MCM9: variants seen among roughly 807,000 people sequenced by gnomAD.
The protein encoded by MCM9 is DNA helicase MCM9.
Under a neutral mutation model 72.8 loss-of-function variants are expected in MCM9, and 55 were observed. The observed-to-expected ratio is 0.76, with a 90% CI of 0.61 to 0.95. The LOEUF (loss-of-function observed/expected upper bound fraction) is 0.95, where lower values mean the gene tolerates loss of function less well. MCM9 is among the 40% of genes least tolerant of loss of function. MCM9 has a pLI of 0.00. For missense variants in MCM9, 1,279 were observed against 1,377.0 expected (o/e 0.93, Z 1.13); for synonymous variants, 480 against 503.4 (o/e 0.95, Z 0.62).
rs1255698607 is a variant in MCM9 at position 118,922,364 on chromosome 6, TAAC to T, written c.622-281_622-279del. ...CGTATGCTCCAACTACTAAATTTAATAACAAAGTTAACTTTATCTAGAAAAGAG... is the reference window on the plus strand; with the variant it reads ...CGTATGCTCCAACTACTAAATTTAATAAAGTTAACTTTATCTAGAAAAGAG... On this transcript the variant is annotated intron_variant, in intron 4 of 13. Coordinates refer to ENST00000619706, the MANE Select transcript of MCM9 (RefSeq NM_017696.3). 4.6e-5 allele frequency among the ~76,000 whole-genome samples: 7 copies of T among 152,338 alleles called. No individual in the cohort carries two copies. The East Asian group carries it at 1.3e-3, about 29-fold the overall frequency.
chr6:118,893,141 T>C (rs1338059989), intron 8 of MCM9, among the ~76,000 whole-genome samples: 4 of 152,202 alleles, frequency 2.6e-5, no homozygotes, highest in East Asian at 1.9e-4. Flanking sequence ...CTCACAAATA[T>C]GTTAAAGCTT....
At chr6:118,885,282 T>C (rs1045471348) in intron 8 of MCM9, among the ~76,000 whole-genome samples, 45 of 152,094 alleles carry the variant, frequency 3.0e-4, no homozygotes, top group Non-Finnish European at 3.7e-4. Context: ...TCTAAGCTTC[T>C]ACGTTAAGAC....
At chr6:118,924,579 G>C (rs28493057) in intron 3 of MCM9, among the ~76,000 whole-genome samples, 2,123 of 152,218 alleles carry the variant, frequency 0.014, 40 homozygotes, top group African/African-American at 0.049. Context: ...GACGACCACA[G>C]AGTTCCACAG....
intron 6 of MCM9, among the ~76,000 whole-genome samples, chr6:118,915,214 A>C (rs764309079): frequency 3.2e-4 from 48 of 152,198 alleles, no homozygotes; most frequent in Non-Finnish European, 5.1e-4. Context: ...ATGGCAGCAG[A>C]AGATCTCATG....
At chr6:118,894,645 G>A (rs534302017) in intron 8 of MCM9, 6 of 837,320 alleles carry the variant, frequency 7.2e-6, no homozygotes, top group East Asian at 2.7e-5. Context: ...CTGCTCTGCG[G>A]AGGGAAACTT....
intron 9 of MCM9, among the ~76,000 whole-genome samples, chr6:118,848,449 G>A (rs1325299868): frequency 6.6e-6 from 1 of 151,772 alleles, no homozygotes; most frequent in African/African-American, 2.4e-5. Context: ...AAAATTTATT[G>A]GAACACAGCC....
At chr6:118,874,380 G>T (rs1436806527) in intron 8 of MCM9, among the ~76,000 whole-genome samples, 1 of 152,168 alleles carries the variant, frequency 6.6e-6, no homozygotes, top group African/African-American at 2.4e-5. Flanking sequence ...AGCCACTCAT[G>T]ATTAAACAAC....
chr6:118,847,555 T>C (rs1775956002), intron 9 of MCM9, among the ~76,000 whole-genome samples: 1 of 150,452 alleles, frequency 6.6e-6, no homozygotes, highest in Non-Finnish European at 1.5e-5. Flanking sequence ...AAAATACAGA[T>C]GAGCTAAGAA....
intron 8 of MCM9, among the ~76,000 whole-genome samples, chr6:118,865,152 A>T (rs1234945796): frequency 6.6e-6 from 1 of 152,184 alleles, no homozygotes; most frequent in Non-Finnish European, 1.5e-5. Flanking sequence ...ACTGTGTCCT[A>T]AACTTCCTAT....
chr6:118,894,654 T>C, intron 8 of MCM9: 1 of 771,784 alleles, frequency 1.3e-6, no homozygotes, highest in Non-Finnish European at 2.0e-6. Flanking sequence ...GGAGGGAAAC[T>C]TGAAGTTGAT....
chr6:118,889,893 G>A (rs1399112261), intron 8 of MCM9, among the ~76,000 whole-genome samples: 1 of 152,200 alleles, frequency 6.6e-6, no homozygotes, highest in African/African-American at 2.4e-5. Flanking sequence ...ACAATGATGG[G>A]TAGAAAAGAA....
intron 8 of MCM9, among the ~76,000 whole-genome samples, chr6:118,890,026 C>T (rs1369067007): frequency 6.6e-6 from 1 of 152,124 alleles, no homozygotes; most frequent in Non-Finnish European, 1.5e-5. Context: ...TAGCTCCATC[C>T]CCCACACCTT....
intron 3 of MCM9, among the ~76,000 whole-genome samples, chr6:118,929,630 G>C (rs1262984708): frequency 6.6e-6 from 1 of 152,090 alleles, no homozygotes; most frequent in Non-Finnish European, 1.5e-5. Context: ...ATAGCATTTC[G>C]ACAACATTAA....
intron 8 of MCM9, among the ~76,000 whole-genome samples, chr6:118,869,659 G>C (rs1412833770): frequency 7.1e-6 from 1 of 140,358 alleles, no homozygotes; most frequent in Non-Finnish European, 1.5e-5. Flanking sequence ...GTCCTTACTT[G>C]TCAGTAATTA....
chr6:118,841,835 C>CTTTT (rs750136757), intron 9 of MCM9, among the ~76,000 whole-genome samples: 2 of 134,724 alleles, frequency 1.5e-5, no homozygotes, highest in Admixed American at 7.4e-5. Context: ...GCTATCTTGC[C>CTTTT]TTTTTTTTTT....
chr6:118,899,259 C>A (rs895893923), intron 8 of MCM9, among the ~76,000 whole-genome samples: 3 of 152,166 alleles, frequency 2.0e-5, no homozygotes, highest in African/African-American at 4.8e-5. Flanking sequence ...TGCTCAAAAC[C>A]CTTCGATGGC....
At chr6:118,830,968 C>A (rs1271716805) in intron 9 of MCM9, among the ~76,000 whole-genome samples, 3 of 152,146 alleles carry the variant, frequency 2.0e-5, no homozygotes, top group African/African-American at 7.2e-5. Context: ...GGAGAAACTT[C>A]GGTGGGGACA....
intron 9 of MCM9, among the ~76,000 whole-genome samples, chr6:118,852,391 CTCCTT>C (rs914738990): frequency 2.6e-5 from 4 of 151,978 alleles, no homozygotes; most frequent in African/African-American, 9.7e-5. Flanking sequence ...TTTATGTCTT[CTCCTT>C]TCCAACAGAC....
intron 2 of MCM9, among the ~76,000 whole-genome samples, 183 bp downstream of exon 2, chr6:118,932,424 C>T (rs558973716): frequency 6.6e-6 from 1 of 152,196 alleles, no homozygotes; most frequent in Admixed American, 6.5e-5. Flanking sequence ...CACACATTTG[C>T]TCTCAAGTAT....
Sources: gnomAD v4.1 joint callset for allele counts (sites outside exome capture counted in the v4.1 genomes callset) on GRCh38, gnomAD v4.1.1 for gene constraint, MANE v1.5 for transcripts, NCBI Gene and HGNC (gene_info 2026-07-23, HGNC 2026-07-21) for gene names.